Variants in RGS8 observed in about 807,000 individuals in gnomAD.
RGS8 encodes regulator of G-protein signaling 8.
A neutral mutation model predicts 21.7 loss-of-function variants in RGS8; 8 were observed. The ratio of observed to expected loss-of-function variants is 0.37; its 90% confidence interval spans 0.22 to 0.66. The LOEUF is 0.66. RGS8 is among the 30% of genes least tolerant of loss of function. The probability of loss-of-function intolerance (pLI) is 0.59; values close to 1 mark genes in which losing one functional copy is unlikely to be tolerated. For synonymous variants in RGS8, 80 were observed against 83.6 expected (o/e 0.96, Z 0.24); for missense variants, 157 against 217.9 (o/e 0.72, Z 1.76).
At chr1:182,717,236 T>C in the RGS8 span, among the ~76,000 whole-genome samples, 1 of 152,196 alleles carries the variant, frequency 6.6e-6, no homozygotes, top group Non-Finnish European at 1.5e-5. Context: ...GCCACACTAC[T>C]TCCTGTTATA....
intron 1 of RGS8, among the ~76,000 whole-genome samples, chr1:182,680,504 C>T (rs562221651): frequency 6.6e-6 from 1 of 152,224 alleles, no homozygotes; most frequent in Non-Finnish European, 1.5e-5. Flanking sequence ...CAGGAAATGC[C>T]CTCTGTGCTC....
the RGS8 span, among the ~76,000 whole-genome samples, chr1:182,691,306 A>G: frequency 6.6e-6 from 1 of 152,196 alleles, no homozygotes; most frequent in African/African-American, 2.4e-5. Context: ...AACACCAACT[A>G]TTTTTAATTT....
the RGS8 span, among the ~76,000 whole-genome samples, chr1:182,742,725 C>G: frequency 7.2e-6 from 1 of 138,008 alleles, no homozygotes; most frequent in African/African-American, 2.6e-5. Context: ...AGAGGGAGAC[C>G]GTGGAAAGAG....
At chr1:182,689,030 T>A (rs541540950), upstream of RGS8, among the ~76,000 whole-genome samples, 378 of 152,302 alleles carry the variant, frequency 2.5e-3, 18 homozygotes, top group South Asian at 0.075. Context: ...TGGTAATTTG[T>A]TATGGTAGTA....
At chr1:182,698,075 A>T in the RGS8 span, among the ~76,000 whole-genome samples, 2 of 152,196 alleles carry the variant, frequency 1.3e-5, no homozygotes, top group African/African-American at 2.4e-5. Context: ...TAGAATGATG[A>T]TTATTGAAAG....
At chr1:182,697,155 C>T in the RGS8 span, among the ~76,000 whole-genome samples, 498 of 152,314 alleles carry the variant, frequency 3.3e-3, 7 homozygotes, top group East Asian at 0.04. Flanking sequence ...AGAGAAACTC[C>T]ACATCTTGAT....
upstream of RGS8, among the ~76,000 whole-genome samples, chr1:182,677,915 C>T (rs965690372): frequency 5.9e-5 from 9 of 152,162 alleles, no homozygotes; most frequent in Non-Finnish European, 1.2e-4. Flanking sequence ...AGTGCTGCCT[C>T]GCAGACAATG....
At chr1:182,666,998 G>A (rs1306845221) in intron 3 of RGS8, 25 bp from the exon 5 acceptor site, 2 of 1,577,124 alleles carry the variant, frequency 1.3e-6, no homozygotes, top group Non-Finnish European at 1.7e-6. Flanking sequence ...GGGGCAGAAG[G>A]ACGGGGAAAC....
the RGS8 span, among the ~76,000 whole-genome samples, chr1:182,717,469 C>G: frequency 6.6e-6 from 1 of 152,158 alleles, no homozygotes; most frequent in East Asian, 1.9e-4. Context: ...ACACAGCTAA[C>G]CTTAGCACAC....
chr1:182,731,696 C>T, the RGS8 span, among the ~76,000 whole-genome samples: 1 of 152,194 alleles, frequency 6.6e-6, no homozygotes, highest in Non-Finnish European at 1.5e-5. Context: ...AATGTTCTCT[C>T]CATTAATGGA....
At chr1:182,659,672 T>A (rs1306227559) in intron 5 of RGS8, among the ~76,000 whole-genome samples, 2 of 152,136 alleles carry the variant, frequency 1.3e-5, no homozygotes, top group African/African-American at 4.8e-5. Context: ...GCACTCCAGC[T>A]TGGGCAACAG....
chr1:182,743,414 A>G, the RGS8 span, among the ~76,000 whole-genome samples: 11 of 152,262 alleles, frequency 7.2e-5, no homozygotes, highest in South Asian at 2.1e-4. Flanking sequence ...ACTAACAGCA[A>G]CTTCTTAGAG....
the RGS8 span, among the ~76,000 whole-genome samples, chr1:182,744,568 C>T: frequency 7.9e-5 from 12 of 152,266 alleles, no homozygotes; most frequent in Admixed American, 5.9e-4. Context: ...GCCATTGTAA[C>T]GTTGTAGTAA....
At chr1:182,738,892 T>TG in the RGS8 span, among the ~76,000 whole-genome samples, 1 of 152,200 alleles carries the variant, frequency 6.6e-6, no homozygotes, top group Non-Finnish European at 1.5e-5. Flanking sequence ...AGAAACATCT[T>TG]GCAGGGCAAG....
chr1:182,669,766 A>T lies in RGS8; in HGVS notation c.-103-14T>A. ...ACGTCCTCTCACCTAAAATCAAAGA[A>T]TCTGCTGTAAGAGGGGCCACCCTCT... On this transcript the variant is annotated splice_polypyrimidine_tract_variant and intron_variant, in intron 2 of 6. Coordinates refer to ENST00000483095, the Ensembl canonical transcript of RGS8. 2 of 1,569,534 alleles carry T rather than the reference A, an allele frequency of 1.3e-6. No individual in the cohort carries two copies. The highest frequency in any genetic ancestry group is 1.7e-6 in the Non-Finnish European group (2 of 1,156,030).
chr1:182,664,246 G>A (rs531137578), intron 5 of RGS8, among the ~76,000 whole-genome samples: 1 of 151,492 alleles, frequency 6.6e-6, no homozygotes, highest in African/African-American at 2.4e-5. Context: ...TATTCTCAAG[G>A]CACATTTATT....
chr1:182,730,679 C>T, the RGS8 span, among the ~76,000 whole-genome samples: 1 of 149,236 alleles, frequency 6.7e-6, no homozygotes, highest in African/African-American at 2.5e-5. Flanking sequence ...CACTGCACCC[C>T]AGCCTGGGTG....
chr1:182,672,000 C>T (rs1571347267), upstream of RGS8: 1 of 1,101,724 alleles, frequency 9.1e-7, no homozygotes, highest in East Asian at 3.5e-5. Flanking sequence ...TGGCAGGATG[C>T]AGAAGGTGCC....
chr1:182,740,810 C>T, the RGS8 span, among the ~76,000 whole-genome samples: 1 of 151,782 alleles, frequency 6.6e-6, no homozygotes, highest in African/African-American at 2.4e-5. Context: ...TCTTGCACCA[C>T]CCTTAATCCA....
Sources: allele counts gnomAD v4.1 joint callset (sites outside exome capture counted in the v4.1 genomes callset), GRCh38; gene constraint gnomAD v4.1.1; transcripts MANE v1.5; gene names NCBI Gene and HGNC (gene_info 2026-07-23, HGNC 2026-07-21).